Variants in KIAA0586 observed in about 807,000 individuals in gnomAD.
The protein encoded by KIAA0586 is KIAA0586.
In KIAA0586, 144 loss-of-function variants were observed where a neutral mutation model predicts 169.8. The observed-to-expected ratio is 0.85, with a 90% CI of 0.74 to 0.97. The LOEUF (loss-of-function observed/expected upper bound fraction) is 0.97, where lower values mean the gene tolerates loss of function less well. Ranked by LOEUF, KIAA0586 falls within the 50% of genes least tolerant of loss-of-function variation. The probability of loss-of-function intolerance (pLI) is 0.00; values close to 1 mark genes in which losing one functional copy is unlikely to be tolerated. For synonymous variants in KIAA0586, 625 were observed against 612.4 expected, an observed-to-expected ratio of 1.02 and a Z score of -0.30; for missense variants, 1,854 against 1,823.0, an observed-to-expected ratio of 1.02 and a Z score of -0.31.
chr14:58,455,684 G>GTA (rs1397937357), intron 9 of KIAA0586, among the ~76,000 whole-genome samples: 1 of 152,020 alleles, frequency 6.6e-6, no homozygotes, highest in Non-Finnish European at 1.5e-5. Flanking sequence ...GTGTGTGTGT[G>GTA]TGTGTGTGTA....
chr14:58,551,790 T>C (rs1437120191), downstream of KIAA0586, among the ~76,000 whole-genome samples: 1 of 152,120 alleles, frequency 6.6e-6, no homozygotes, highest in Non-Finnish European at 1.5e-5. Flanking sequence ...TATTATATAA[T>C]TGAAATATAC....
At chr14:58,504,162 A>G (rs2043773658) in intron 27 of KIAA0586, among the ~76,000 whole-genome samples, 1 of 152,184 alleles carries the variant, frequency 6.6e-6, no homozygotes, top group Non-Finnish European at 1.5e-5. Flanking sequence ...TGATGGATAG[A>G]TTGGAAGAGT....
rs776991503 is a variant in KIAA0586 at position 58,470,728 on chromosome 14, A to G, written c.2553+5A>G. On this transcript the variant is annotated splice_donor_5th_base_variant and intron_variant, in intron 17 of 30. Transcript: ENST00000652326. ...CCTGTGCAAACTTGGATAAAGGTAT[A>G]TTTCAGAATTTTATCATATTATTTT... is the stretch of plus-strand genomic sequence containing the variant. 7.1e-7 allele frequency: 1 copy of G among 1,406,942 alleles called. No homozygotes were observed. Among genetic ancestry groups the G allele is most frequent in the Non-Finnish European group, 1.0e-6 (1 of 992,738 alleles). The allele number at this position is 1,406,942 out of a possible 1,614,324, so 87.2% of individuals were successfully genotyped here.
At chr14:58,476,060 T>C (rs993857623) in intron 19 of KIAA0586, among the ~76,000 whole-genome samples, 1 of 152,190 alleles carries the variant, frequency 6.6e-6, no homozygotes, top group African/African-American at 2.4e-5. Flanking sequence ...ACTGTGCCAC[T>C]GCACTCCAGA....
At chr14:58,431,875 A>G (rs1438416300) in intron 3 of KIAA0586, among the ~76,000 whole-genome samples, 7 of 152,106 alleles carry the variant, frequency 4.6e-5, no homozygotes, top group African/African-American at 1.7e-4. Context: ...CTCAGCTTGA[A>G]TGTTATTAGT....
rs778492541 is a variant in KIAA0586, at chr14:58,432,392, T to G, written c.345T>G (p.Asn115Lys). Residue 115 changes from asparagine (N) to lysine (K), a missense_variant, in exon 4 of 31, where the codon AAT (asparagine) becomes AAG (lysine). Physicochemically the swap from Asn to Lys is moderately conservative, Grantham distance 94 (BLOSUM62 0). Coordinates refer to ENST00000652326, the MANE Select transcript of KIAA0586 (RefSeq NM_001329943.3). ...TTTTGTGTCTTGATTTTGCAGCAAATGACATCTTCATTTCTCAGTATACAA... is the reference window on the plus strand; with the variant it reads ...TTTTGTGTCTTGATTTTGCAGCAAAGGACATCTTCATTTCTCAGTATACAA... ...KIEENNKQKA[N>K]DIFISQYTMG... 7 of 1,539,654 alleles carry G rather than the reference T, an allele frequency of 4.5e-6. No homozygotes were observed. Among genetic ancestry groups the G allele is most frequent in the Non-Finnish European group, 6.1e-6 (7 of 1,140,336 alleles).
intron 9 of KIAA0586, 58 bp from the exon 10 acceptor site, chr14:58,456,644 C>A: frequency 1.1e-6 from 1 of 897,946 alleles, no homozygotes; most frequent in Non-Finnish European, 1.8e-6. Flanking sequence ...GAATTTACAA[C>A]AATTTAGGAA....
intron 2 of KIAA0586, among the ~76,000 whole-genome samples, chr14:58,430,233 G>A (rs1254500921): frequency 6.6e-6 from 1 of 151,382 alleles, no homozygotes; most frequent in Admixed American, 6.6e-5. Flanking sequence ...TGGATACACT[G>A]TTATTGTATA....
chr14:58,463,849 T>C, intron 14 of KIAA0586: 1 of 262,444 alleles, frequency 3.8e-6, no homozygotes, highest in South Asian at 4.2e-5. Flanking sequence ...ATTAGATACA[T>C]TAAAAAATTA....
intron 27 of KIAA0586, among the ~76,000 whole-genome samples, chr14:58,507,253 C>CATATGTATGATTTATATAT (rs10683337): frequency 6.9e-6 from 1 of 144,526 alleles, no homozygotes; most frequent in Non-Finnish European, 1.5e-5. Context: ...ATATATAAAT[C>CATATGTATGATTTATATAT]ATGTATGATT....
At chr14:58,480,130 C>T (rs557436791) in intron 20 of KIAA0586, among the ~76,000 whole-genome samples, 11 of 152,094 alleles carry the variant, frequency 7.2e-5, no homozygotes, top group Admixed American at 1.3e-4. Context: ...TTTCTCATTA[C>T]CTACTTCCTC....
At chr14:58,521,845 C>T in intron 29 of KIAA0586, 2 of 931,358 alleles carry the variant, frequency 2.1e-6, no homozygotes, top group Admixed American at 3.4e-5. Context: ...GAGCGGGGTG[C>T]AGATGACTTT....
At chr14:58,545,639 A>C (rs914425828) in intron 30 of KIAA0586, among the ~76,000 whole-genome samples, 2 of 152,132 alleles carry the variant, frequency 1.3e-5, no homozygotes, top group Admixed American at 6.6e-5. Context: ...TGCTTCCCTC[A>C]GTTATTTTGT....
At chr14:58,554,367 A>G (rs1052615888), downstream of KIAA0586, among the ~76,000 whole-genome samples, 3 of 152,178 alleles carry the variant, frequency 2.0e-5, no homozygotes, top group African/African-American at 7.2e-5. Context: ...CTTCTAGTGG[A>G]ACTGGTCACT....
At chr14:58,518,694 T>C (rs1451382438) in intron 29 of KIAA0586, among the ~76,000 whole-genome samples, 1 of 152,260 alleles carries the variant, frequency 6.6e-6, no homozygotes, top group Non-Finnish European at 1.5e-5. Flanking sequence ...TCCCCACTTC[T>C]ATATGCCTAC....
At chr14:58,525,874 G>C (rs529118963) in intron 29 of KIAA0586, among the ~76,000 whole-genome samples, 57 of 152,320 alleles carry the variant, frequency 3.7e-4, no homozygotes, top group Non-Finnish European at 5.9e-4. Context: ...AGCTTGGTCG[G>C]GGGAGGGGCG....
intron 26 of KIAA0586, among the ~76,000 whole-genome samples, chr14:58,497,556 G>T (rs1371987482): frequency 3.3e-5 from 5 of 151,048 alleles, no homozygotes; most frequent in Non-Finnish European, 7.4e-5. Flanking sequence ...GTAGAGACGG[G>T]GTTTCACCAT....
intron 24 of KIAA0586, 41 bp from the exon 25 acceptor site, chr14:58,490,123 G>C: frequency 1.0e-6 from 1 of 971,936 alleles, no homozygotes; most frequent in Non-Finnish European, 1.5e-6. Context: ...CTAAGTTTGT[G>C]TTTCTTTTTT....
At chr14:58,453,579 T>C in intron 9 of KIAA0586, 106 bp downstream of exon 9, 1 of 731,742 alleles carries the variant, frequency 1.4e-6, no homozygotes, top group Non-Finnish European at 2.1e-6. Context: ...TTCTTAAATT[T>C]ATCTTAGATT....
Sources: gnomAD v4.1 joint callset for allele counts (sites outside exome capture counted in the v4.1 genomes callset) on GRCh38, gnomAD v4.1.1 for gene constraint, MANE v1.5 for transcripts, NCBI Gene and HGNC (gene_info 2026-07-23, HGNC 2026-07-21) for gene names.